PTGIS: variants seen among roughly 807,000 people sequenced by gnomAD.
PTGIS encodes the protein prostacyclin synthase.
In PTGIS, 45 loss-of-function variants were observed where a neutral mutation model predicts 50.3. That is an observed-to-expected ratio of 0.90 (90% CI 0.70 to 1.15). PTGIS has a LOEUF of 1.15. Among genes scored for constraint, PTGIS ranks in the 50% most tolerant of loss-of-function variants. PTGIS has a pLI of 0.00. For missense variants in PTGIS, 668 were observed against 661.3 expected, an observed-to-expected ratio of 1.01 and a Z score of -0.11; for synonymous variants, 260 against 267.7, an observed-to-expected ratio of 0.97 and a Z score of 0.28.
At chr20:49,554,241 C>T (rs558447820) in intron 1 of PTGIS, among the ~76,000 whole-genome samples, 1 of 152,156 alleles carries the variant, frequency 6.6e-6, no homozygotes, top group African/African-American at 2.4e-5. Flanking sequence ...CAGGTCCTAA[C>T]TGTTGTAGCC....
intron 6 of PTGIS, 91 bp from the exon 7 acceptor site, chr20:49,514,486 C>T (rs1981422411): frequency 6.8e-7 from 1 of 1,473,974 alleles, no homozygotes; most frequent in South Asian, 1.2e-5. Flanking sequence ...ACAGAGGGGC[C>T]AGTAGGCCTG....
chr20:49,515,907 G>T (rs1444616650), intron 6 of PTGIS, among the ~76,000 whole-genome samples: 1 of 152,068 alleles, frequency 6.6e-6, no homozygotes, highest in Non-Finnish European at 1.5e-5. Context: ...TTGAGACAGG[G>T]TCTTGCTCTG....
At chr20:49,556,483 C>T (rs918697759) in intron 1 of PTGIS, among the ~76,000 whole-genome samples, 1 of 151,964 alleles carries the variant, frequency 6.6e-6, no homozygotes, top group Non-Finnish European at 1.5e-5. Flanking sequence ...ACAGCTAAAT[C>T]CTTGGCTGGG....
chr20:49,515,505 T>C (rs1365664862), intron 6 of PTGIS, among the ~76,000 whole-genome samples: 1 of 152,252 alleles, frequency 6.6e-6, no homozygotes, highest in Non-Finnish European at 1.5e-5. Context: ...CTGCCGTGAC[T>C]ATTCTATTCA....
chr20:49,513,395 A>G lies in PTGIS; in HGVS notation c.1025-134T>C, dbSNP rs1981380754. 5.0e-6 allele frequency: 5 copies of G among 1,003,102 alleles called. No individual in the cohort carries two copies. In the Admixed American group the frequency reaches 1.0e-4, roughly 20 times the overall value. 62.1% of individuals were successfully genotyped at this position (1,003,102 alleles called of 1,614,324 possible). The stretch of plus-strand genomic sequence containing the variant: ...GCCTGCCTCGCCCACACAGTCACAT[A>G]GCAAGGTGAAAAAGGACACACGATG... On this transcript the variant is annotated intron_variant, in intron 7 of 9. Transcript: ENST00000244043.
In PTGIS at chr20:49,544,535, C is replaced by CT. The variant is rs1982311967; in HGVS notation, c.378-88_378-87insA. The CT allele has an allele frequency of 1.8e-5, 27 of 1,510,122 alleles. No individual in the cohort carries two copies. The South Asian group carries it at 3.1e-4, about 17-fold the overall frequency. 93.5% of individuals were successfully genotyped at this position (1,510,122 alleles called of 1,614,324 possible). On this transcript the variant is annotated intron_variant, in intron 3 of 9. Transcript: ENST00000244043. ...ACCTCCCTCCCCAAACCTAAGGGTC[C>CT]CAGAGCTCAAGCTCCCCATTGGCAA...
At chr20:49,528,224 A>C (rs1981840313) in intron 5 of PTGIS, among the ~76,000 whole-genome samples, 1 of 152,204 alleles carries the variant, frequency 6.6e-6, no homozygotes, top group Non-Finnish European at 1.5e-5. Context: ...GGACATAAAC[A>C]GTCATAAGTT....
At chr20:49,567,965 C>A in intron 1 of PTGIS, 78 bp downstream of exon 1, 1 of 1,345,482 alleles carries the variant, frequency 7.4e-7, no homozygotes. Flanking sequence ...CGGCCGCGGG[C>A]TCCGAGACCC....
chr20:49,560,839 C>A (rs374409593), intron 1 of PTGIS, among the ~76,000 whole-genome samples: 1 of 152,134 alleles, frequency 6.6e-6, no homozygotes, highest in South Asian at 2.1e-4. Context: ...TTGTGGACCA[C>A]GAGGGCCAAG....
intron 1 of PTGIS, among the ~76,000 whole-genome samples, chr20:49,560,203 T>C (rs1236961456): frequency 1.3e-5 from 2 of 152,034 alleles, no homozygotes; most frequent in Non-Finnish European, 2.9e-5. Context: ...ATTACAGGCG[T>C]GAGCCACCAT....
intron 4 of PTGIS, among the ~76,000 whole-genome samples, chr20:49,541,164 G>A (rs770935634): frequency 2.0e-5 from 3 of 152,194 alleles, no homozygotes; most frequent in African/African-American, 2.4e-5. Flanking sequence ...CACAAAATCC[G>A]GATTTCCTGC....
At chr20:49,530,482 G>T (rs141050971) in intron 5 of PTGIS, among the ~76,000 whole-genome samples, 1 of 152,062 alleles carries the variant, frequency 6.6e-6, no homozygotes, top group East Asian at 1.9e-4. Flanking sequence ...CTCTATTTTT[G>T]ATTTTTTAGG....
In PTGIS at chr20:49,506,209, C is replaced by CACAA. The variant is rs1360528080; in HGVS notation, c.*1707_*1710dup. On this transcript the variant is annotated 3_prime_UTR_variant, in exon 10 of 10. Transcript: ENST00000244043. ...TCAGTTTTCTCATCTATGAAGTGGGCACAACCCTCCTTCTCTTCATAGAGA... is the reference window on the plus strand; with the variant it reads ...TCAGTTTTCTCATCTATGAAGTGGGCACAAACAACCCTCCTTCTCTTCATAGAGA... 1 of 152,356 alleles carries CACAA rather than the reference C, an allele frequency of 6.6e-6. No homozygotes were observed. Among genetic ancestry groups the CACAA allele is most frequent in the Non-Finnish European group, 1.5e-5 (1 of 68,034 alleles). 9.4% of individuals were successfully genotyped at this position (152,356 alleles called of 1,614,324 possible).
chr20:49,539,736 C>A lies in PTGIS; in HGVS notation c.522-15G>T, dbSNP rs1555804674. ...GGTAGCCGGCTCTGGGGGCGGCAGA[C>A]AGAGGGTCAGGGGTCCTCCTGGGAC... On this transcript the variant is annotated splice_polypyrimidine_tract_variant and intron_variant, in intron 4 of 9. Transcript: ENST00000244043. 1 of 1,607,094 alleles carries A rather than the reference C, an allele frequency of 6.2e-7. No individual in the cohort carries two copies. The highest frequency in any genetic ancestry group is 8.5e-7 in the Non-Finnish European group (1 of 1,179,166).
chr20:49,512,952 A>T, intron 8 of PTGIS, 128 bp downstream of exon 8: 2 of 1,142,386 alleles, frequency 1.8e-6, no homozygotes, highest in Non-Finnish European at 2.5e-6. Flanking sequence ...CAGAGAGGTG[A>T]AGCAATCTGG....
At chr20:49,512,449 A>G (rs1301882349) in intron 8 of PTGIS, among the ~76,000 whole-genome samples, 2 of 151,946 alleles carry the variant, frequency 1.3e-5, no homozygotes, top group Non-Finnish European at 2.9e-5. Flanking sequence ...AGATGAATGG[A>G]TAGGTAGATA....
chr20:49,528,378 G>A (rs545445895), intron 5 of PTGIS, among the ~76,000 whole-genome samples: 3 of 151,866 alleles, frequency 2.0e-5, no homozygotes, highest in South Asian at 2.1e-4. Flanking sequence ...TGGGGAGGCC[G>A]AGACGGGCAG....
chr20:49,537,829 C>T (rs755386266), intron 5 of PTGIS, among the ~76,000 whole-genome samples: 1 of 152,104 alleles, frequency 6.6e-6, no homozygotes, highest in African/African-American at 2.4e-5. Flanking sequence ...CTGAAAGATA[C>T]GTACAAGAAT....
intron 3 of PTGIS, among the ~76,000 whole-genome samples, chr20:49,546,418 A>G (rs1481204134): frequency 6.6e-6 from 1 of 152,210 alleles, no homozygotes; most frequent in East Asian, 1.9e-4. Flanking sequence ...ATCATGTCTC[A>G]TCAACATCCA....
Sources: allele counts gnomAD v4.1 joint callset (sites outside exome capture counted in the v4.1 genomes callset), GRCh38; gene constraint gnomAD v4.1.1; transcripts MANE v1.5; gene names NCBI Gene and HGNC (gene_info 2026-07-23, HGNC 2026-07-21).